SNX30: variants seen among roughly 807,000 people sequenced by gnomAD.
SNX30 encodes sorting nexin family member 30.
Under a neutral mutation model 46.4 loss-of-function variants are expected in SNX30, and 24 were observed. That is an observed-to-expected ratio of 0.52 (90% CI 0.37 to 0.73). The LOEUF (loss-of-function observed/expected upper bound fraction) is 0.73, where lower values mean the gene tolerates loss of function less well. Ranked by LOEUF, SNX30 falls within the 30% of genes least tolerant of loss-of-function variation. SNX30 has a pLI of 0.00. For synonymous variants in SNX30, 189 were observed against 211.5 expected, an observed-to-expected ratio of 0.89 and a Z score of 0.92; for missense variants, 533 against 555.7, an observed-to-expected ratio of 0.96 and a Z score of 0.41.
chr9:112,783,855 A>G lies in SNX30; in HGVS notation c.157-20921A>G, dbSNP rs548907236. On this transcript the variant is annotated intron_variant, in intron 1 of 8. Transcript: ENST00000374232. ...TCACTGAAGCAAATTACTGAAGGTGAGTGACCTGTGAGAGGCAGCTGTCAC... is the reference window on the plus strand; with the variant it reads ...TCACTGAAGCAAATTACTGAAGGTGGGTGACCTGTGAGAGGCAGCTGTCAC... Among the ~76,000 whole-genome samples the G allele has an allele frequency of 2.6e-5, 4 of 152,292 alleles. No individual in the cohort carries two copies. The South Asian group carries it at 8.3e-4, about 32-fold the overall frequency.
chr9:112,797,654 T>C (rs907082116), intron 1 of SNX30, among the ~76,000 whole-genome samples: 50 of 151,934 alleles, frequency 3.3e-4, no homozygotes, highest in Admixed American at 2.7e-3. Flanking sequence ...GGTTGATCTC[T>C]TAAGTTTCTT....
chr9:112,816,017 C>CT (rs985777137), intron 2 of SNX30, among the ~76,000 whole-genome samples: 4 of 151,962 alleles, frequency 2.6e-5, no homozygotes, highest in Non-Finnish European at 5.9e-5. Flanking sequence ...TAATTTAAAA[C>CT]TTTTTTTTGC....
rs143640813 is a variant in SNX30 at position 112,861,496 on chromosome 9, G to A, written c.1102-2751G>A. Among the ~76,000 whole-genome samples the A allele has an allele frequency of 1.5e-3, 229 of 152,330 alleles. 1 individual carries two copies. The highest frequency in any genetic ancestry group is 4.8e-3 in the African/African-American group (201 of 41,560). ...ACACACCTGGTAAGTGGCAGGTGGG[G>A]TGTGCAAGCTAAGCTCTGGAAGTTT... On this transcript the variant is annotated intron_variant, in intron 7 of 8. Transcript: ENST00000374232.
At chr9:112,862,729 A>T (rs1010108695) in intron 7 of SNX30, among the ~76,000 whole-genome samples, 1 of 151,774 alleles carries the variant, frequency 6.6e-6, no homozygotes, top group African/African-American at 2.4e-5. Context: ...TAGCGCCACC[A>T]CATCCTACTT....
chr9:112,883,372 A>G (rs934308917), downstream of SNX30, among the ~76,000 whole-genome samples: 2 of 152,142 alleles, frequency 1.3e-5, no homozygotes, highest in Non-Finnish European at 2.9e-5. Context: ...TGGATGGGAA[A>G]GACAGTCTGG....
downstream of SNX30, chr9:112,879,183 G>GT (rs1841548877): frequency 6.6e-6 from 1 of 152,228 alleles, no homozygotes; most frequent in Admixed American, 6.5e-5. Flanking sequence ...CCTCCTGAGT[G>GT]TTTGTAGGTA....
intron 6 of SNX30, among the ~76,000 whole-genome samples, chr9:112,842,664 A>G (rs977859954): frequency 2.0e-5 from 3 of 152,224 alleles, no homozygotes; most frequent in African/African-American, 7.2e-5. Flanking sequence ...TGTGTTTACT[A>G]CTTGCCAAGA....
intron 2 of SNX30, among the ~76,000 whole-genome samples, chr9:112,815,685 G>T (rs1206905633): frequency 6.6e-6 from 1 of 152,072 alleles, no homozygotes; most frequent in Non-Finnish European, 1.5e-5. Flanking sequence ...ATTTAAGAAG[G>T]CAAAAAGTAG....
chr9:112,828,330 T>C (rs1490162545), intron 3 of SNX30, among the ~76,000 whole-genome samples: 1 of 151,918 alleles, frequency 6.6e-6, no homozygotes, highest in Non-Finnish European at 1.5e-5. Context: ...TCTACAGTAG[T>C]CAGCACAGTA....
At chr9:112,833,073 C>G (rs530545949) in intron 4 of SNX30, among the ~76,000 whole-genome samples, 3 of 152,002 alleles carry the variant, frequency 2.0e-5, no homozygotes, top group Non-Finnish European at 4.4e-5. Context: ...CATTTACTAT[C>G]CTAACAATTT....
At chr9:112,836,935 C>T (rs949870122) in intron 5 of SNX30, among the ~76,000 whole-genome samples, 3 of 152,194 alleles carry the variant, frequency 2.0e-5, no homozygotes, top group African/African-American at 4.8e-5. Flanking sequence ...GATCCTTCCT[C>T]GTTTTTGCCT....
intron 1 of SNX30, among the ~76,000 whole-genome samples, chr9:112,764,840 G>A (rs1839508613): frequency 6.6e-6 from 1 of 152,210 alleles, no homozygotes. Context: ...GGAGTAAGCT[G>A]GAACCAGGGG....
At chr9:112,767,383 T>TAC (rs1839560652) in intron 1 of SNX30, among the ~76,000 whole-genome samples, 1 of 152,186 alleles carries the variant, frequency 6.6e-6, no homozygotes. Context: ...TCCCATTCTG[T>TAC]AAGTGCCTTT....
At chr9:112,840,839 G>GC (rs1840845474) in intron 6 of SNX30, among the ~76,000 whole-genome samples, 1 of 150,632 alleles carries the variant, frequency 6.6e-6, no homozygotes, top group Non-Finnish European at 1.5e-5. Context: ...GAGTGCAGTG[G>GC]CACGATCTCA....
At chr9:112,787,938 A>G (rs1160514635) in intron 1 of SNX30, among the ~76,000 whole-genome samples, 3 of 152,006 alleles carry the variant, frequency 2.0e-5, no homozygotes, top group East Asian at 3.9e-4. Context: ...CTGGGACTAC[A>G]GACGCATGCC....
At chr9:112,884,712 T>C (rs949892845), downstream of SNX30, among the ~76,000 whole-genome samples, 1 of 152,258 alleles carries the variant, frequency 6.6e-6, no homozygotes, top group Non-Finnish European at 1.5e-5. Context: ...GTGCCTTACC[T>C]GCATAAGCGC....
chr9:112,813,149 A>G (rs1840345057), intron 2 of SNX30, among the ~76,000 whole-genome samples: 1 of 151,662 alleles, frequency 6.6e-6, no homozygotes, highest in African/African-American at 2.4e-5. Context: ...ACTCCATCTC[A>G]AAAAAAACCC....
chr9:112,868,460 G>C (rs917277029), intron 8 of SNX30, among the ~76,000 whole-genome samples: 1 of 152,096 alleles, frequency 6.6e-6, no homozygotes, highest in Non-Finnish European at 1.5e-5. Flanking sequence ...TTTCCTGCTT[G>C]GGCTTTTTTC....
At position 112,768,647 on chromosome 9, in the gene SNX30, C is replaced by CTTCTTCTTCTTTT. The variant is rs1554748345; in HGVS notation, c.156+17492_156+17493insCTTCTTCTTTTTT. ...AAGTTTCTCTAGATAATTCTTTCTT[C>CTTCTTCTTCTTTT]TTTTTTTTTTTTTTTTTTTTTTTTT... On this transcript the variant is annotated intron_variant, in intron 1 of 8. Coordinates refer to ENST00000374232, the MANE Select transcript of SNX30 (RefSeq NM_001012994.2). Among the ~76,000 whole-genome samples the CTTCTTCTTCTTTT allele has an allele frequency of 3.6e-4, 23 of 64,366 alleles. 4 individuals are homozygous for CTTCTTCTTCTTTT. The highest frequency in any genetic ancestry group is 5.9e-4 in the African/African-American group (11 of 18,760). 42.2% of individuals were successfully genotyped at this position (64,366 alleles called of 152,430 possible). A position where few individuals can be genotyped will look rare whatever the true frequency, so the allele number is the denominator to read the frequency against.
Sources: gnomAD v4.1 joint callset for allele counts (sites outside exome capture counted in the v4.1 genomes callset) on GRCh38, gnomAD v4.1.1 for gene constraint, MANE v1.5 for transcripts, NCBI Gene and HGNC (gene_info 2026-07-23, HGNC 2026-07-21) for gene names.